USP8: variants seen among roughly 807,000 people sequenced by gnomAD.
USP8 encodes ubiquitin specific peptidase 8, also known as ubiquitin carboxyl-terminal hydrolase 8.
In USP8, 27 loss-of-function variants were observed where a neutral mutation model predicts 130.0. The ratio of observed to expected loss-of-function variants is 0.21; its 90% confidence interval spans 0.15 to 0.29. The LOEUF (loss-of-function observed/expected upper bound fraction) is 0.29, where lower values mean the gene tolerates loss of function less well. Ranked by LOEUF, USP8 falls within the 10% of genes least tolerant of loss-of-function variation. USP8 has a pLI of 1.00. For missense variants in USP8, 1,029 were observed against 1,312.2 expected (o/e 0.78, Z 3.33); for synonymous variants, 392 against 444.1 (o/e 0.88, Z 1.48).
intron 7 of USP8, among the ~76,000 whole-genome samples, chr15:50,469,831 ATTT>A (rs35172083): frequency 2.9e-5 from 4 of 136,048 alleles, no homozygotes; most frequent in African/African-American, 5.4e-5. Flanking sequence ...ATTAAATCCA[ATTT>A]TTTTTTTTTT....
At chr15:50,477,846 A>T (rs2051620479) in intron 10 of USP8, among the ~76,000 whole-genome samples, 1 of 152,204 alleles carries the variant, frequency 6.6e-6, no homozygotes, top group Non-Finnish European at 1.5e-5. Flanking sequence ...CTCAAAAAAA[A>T]AAAAAAGAAT....
intron 12 of USP8, among the ~76,000 whole-genome samples, chr15:50,484,952 AAGT>A (rs1427238905): frequency 6.6e-6 from 1 of 152,122 alleles, no homozygotes; most frequent in East Asian, 1.9e-4. Context: ...TAGAGACAGA[AAGT>A]AGAATGGTGG....
rs1031494420 is a variant in USP8 at position 50,500,717 on chromosome 15, T to G, written c.*1629T>G. On this transcript the variant is annotated 3_prime_UTR_variant, in exon 20 of 20. Transcript: ENST00000307179. ...CTATAGAACAGGAGATCCATAGCAT[T>G]TTGAACAGAAGTATCTGGAATCTCA... 7.2e-6 allele frequency: 11 copies of G among 1,522,076 alleles called. No homozygotes were observed. The African/African-American group carries it at 1.4e-4, about 19-fold the overall frequency. 94.3% of individuals were successfully genotyped at this position (1,522,076 alleles called of 1,614,324 possible).
rs371064052 is a variant in USP8, at chr15:50,492,786, C to T, written c.2320C>T (p.Pro774Ser). ...NLNPVFGGSG[P>S]ALTGLRNLGN... is the part of the protein sequence containing the mutation. The stretch of plus-strand genomic sequence containing the variant: ...CAATCCTGTTTTTGGAGGTTCTGGA[C>T]CAGCTCTTACTGGACTTCGTAACTT... The change falls in exon 15 of 20, where the codon CCA becomes TCA. Residue 774 changes from proline to serine, a missense_variant. By Grantham distance (74) the Pro-to-Ser change is moderately conservative. Transcript: ENST00000307179. The T allele has an allele frequency of 1.9e-6, 3 of 1,613,996 alleles. No individual in the cohort carries two copies. Among genetic ancestry groups the T allele is most frequent in the Non-Finnish European group, 2.5e-6 (3 of 1,180,034 alleles).
chr15:50,449,887 T>A (rs564929205), intron 4 of USP8, among the ~76,000 whole-genome samples: 144 of 113,896 alleles, frequency 1.3e-3, no homozygotes, highest in Non-Finnish European at 2.3e-3. Flanking sequence ...GGCCCCAATA[T>A]TTCTTTTTTT....
chr15:50,502,157 G>C lies in USP8; in HGVS notation c.*3069G>C, dbSNP rs2052599250. ...GAGTCTCTCTCTGTTGCCCAGGCTG[G>C]AATGCAGTGGCACGATCTCGGCTCA... On this transcript the variant is annotated 3_prime_UTR_variant, in exon 20 of 20. Coordinates refer to ENST00000307179, the MANE Select transcript of USP8 (RefSeq NM_005154.5). 1 of 152,146 alleles carries C rather than the reference G, an allele frequency of 6.6e-6. No homozygotes were observed. The highest frequency in any genetic ancestry group is 2.4e-5 in the African/African-American group (1 of 41,440). 9.4% of individuals were successfully genotyped at this position (152,146 alleles called of 1,614,324 possible).
rs1381789772 is a variant in USP8 at position 50,431,315 on chromosome 15, C to G, written c.-66+6801C>G. ...AGTATCATTCCCTTGTTCTCATCTC[C>G]TTTCAATCTTACTTACATATCCCTA... On this transcript the variant is annotated intron_variant, in intron 1 of 19. Transcript: ENST00000307179. 2.0e-5 allele frequency among the ~76,000 whole-genome samples: 3 copies of G among 152,110 alleles called. No individual in the cohort carries two copies. In the South Asian group the frequency reaches 6.2e-4, roughly 32 times the overall value.
chr15:50,484,450 A>G (rs953776185), intron 12 of USP8, 89 bp downstream of exon 12: 3 of 1,048,426 alleles, frequency 2.9e-6, no homozygotes, highest in Non-Finnish European at 4.3e-6. Context: ...GCTATCTTTT[A>G]TCATGAGATC....
chr15:50,492,048 G>C (rs2052193004), intron 14 of USP8, among the ~76,000 whole-genome samples: 1 of 152,058 alleles, frequency 6.6e-6, no homozygotes, highest in African/African-American at 2.4e-5. Context: ...TTTTAGTAGA[G>C]ACGGGGTTTC....
Position 50,490,505 on chromosome 15 carries a change from A to G in USP8, c.2214A>G (p.Pro738=). The change falls in exon 14 of 20, where the codon CCA becomes CCG. Residue 738 remains proline, a synonymous_variant. Coordinates refer to ENST00000307179, the MANE Select transcript of USP8 (RefSeq NM_005154.5). ...EEEKRKPTVT[P]TVNRENKPTC... is the part of the protein sequence containing the mutation. ...AGAAGAGGAAGCCAACAGTAACTCC[A>G]ACAGTTAATCGGGAAAACAAGTATG... 6.2e-7 allele frequency: 1 copy of G among 1,613,892 alleles called. No individual in the cohort carries two copies. The highest frequency in any genetic ancestry group is 8.5e-7 in the Non-Finnish European group (1 of 1,179,970).
chr15:50,446,857 C>A (rs979208816), intron 3 of USP8, among the ~76,000 whole-genome samples: 1 of 152,164 alleles, frequency 6.6e-6, no homozygotes, highest in Non-Finnish European at 1.5e-5. Flanking sequence ...CCTTGACCTC[C>A]TGGGTACAAG....
chr15:50,440,641 CTG>C (rs962358004), intron 2 of USP8, among the ~76,000 whole-genome samples: 2 of 152,246 alleles, frequency 1.3e-5, no homozygotes, highest in African/African-American at 4.8e-5. Context: ...TTTCCTGCAA[CTG>C]GACCATCACA....
At chr15:50,459,994 C>CAA in intron 5 of USP8, among the ~76,000 whole-genome samples, 1 of 119,012 alleles carries the variant, frequency 8.4e-6, no homozygotes, top group East Asian at 2.7e-4. Flanking sequence ...CCCACCCCCC[C>CAA]CCTTTTTTTT....
rs755183629 is a variant in USP8, at chr15:50,424,465, TG to T, written c.-112del. The T allele has an allele frequency of 2.5e-6, 1 of 398,688 alleles. No individual in the cohort carries two copies. The highest frequency in any genetic ancestry group is 4.4e-6 in the Non-Finnish European group (1 of 226,098). 24.7% of individuals were successfully genotyped at this position (398,688 alleles called of 1,614,324 possible). Reference sequence around the variant, plus strand: ...AATTCTCCCTCGAGTTCTTGGGAGATGGGCATTTGGCGAGAAGGCTGGCGTT... The same window carrying T: ...AATTCTCCCTCGAGTTCTTGGGAGATGGCATTTGGCGAGAAGGCTGGCGTT... On this transcript the variant is annotated 5_prime_UTR_variant, in exon 1 of 20. It removes the in-frame stop codon of an upstream open reading frame in the 5' UTR. Coordinates refer to ENST00000307179, the MANE Select transcript of USP8 (RefSeq NM_005154.5).
At chr15:50,428,959 G>T (rs1376256350) in intron 1 of USP8, among the ~76,000 whole-genome samples, 1 of 152,192 alleles carries the variant, frequency 6.6e-6, no homozygotes, top group Non-Finnish European at 1.5e-5. Context: ...AACTGAGACG[G>T]CCACTTAGTG....
chr15:50,477,323 G>A lies in USP8; in HGVS notation c.1042G>A (p.Ala348Thr), dbSNP rs61733869. 60,063 of 1,613,798 alleles carry A rather than the reference G, an allele frequency of 0.037. 1,332 individuals are homozygous for A. The highest frequency in any genetic ancestry group is 0.045 in the Non-Finnish European group (53,268 of 1,179,816). The change falls in exon 10 of 20, where the codon GCT becomes ACT. Residue 348 changes from alanine to threonine, a missense_variant. Physicochemically the swap from Ala to Thr is moderately conservative, Grantham distance 58. This residue lies in a region of USP8 where 486 missense variants were observed against 522.0 expected (regional missense o/e 0.93). Coordinates refer to ENST00000307179, the MANE Select transcript of USP8 (RefSeq NM_005154.5). ...SLEESIPSKPAAQTPPASIEV... is the reference protein window; with the variant it reads ...SLEESIPSKPTAQTPPASIEV... Reference sequence around the variant, plus strand: ...GGAAGAATCAATTCCTTCTAAACCTGCTGCCCAGACGCCACCTGCATCTAT... The same window carrying A: ...GGAAGAATCAATTCCTTCTAAACCTACTGCCCAGACGCCACCTGCATCTAT...
chr15:50,447,538 G>T (rs1384178726), intron 3 of USP8, among the ~76,000 whole-genome samples: 1 of 151,918 alleles, frequency 6.6e-6, no homozygotes, highest in Non-Finnish European at 1.5e-5. Context: ...CCTGCACCCA[G>T]CCTACTGTTA....
At chr15:50,458,895 C>A in intron 4 of USP8, 105 bp from the exon 5 acceptor site, 1 of 1,357,428 alleles carries the variant, frequency 7.4e-7, no homozygotes, top group Non-Finnish European at 1.0e-6. Context: ...AGCATATAGC[C>A]ATGAAATACC....
intron 8 of USP8, among the ~76,000 whole-genome samples, chr15:50,475,387 G>A (rs2051530483): frequency 1.3e-5 from 2 of 152,084 alleles, no homozygotes; most frequent in South Asian, 4.2e-4. Flanking sequence ...ACCATTTTAT[G>A]TTCATCAGTT....
Sources: gnomAD v4.1 joint callset for allele counts (sites outside exome capture counted in the v4.1 genomes callset) on GRCh38, gnomAD v4.1.1 for gene constraint, gnomAD v4.1.1 regional missense constraint, MANE v1.5 for transcripts, NCBI Gene and HGNC (gene_info 2026-07-23, HGNC 2026-07-21) for gene names.